The following MYH3 variants were observed in gnomAD, a reference collection of about 807,000 sequenced individuals.
MYH3 encodes the protein myosin-3.
In MYH3, 130 loss-of-function variants were observed where a neutral mutation model predicts 238.0. The ratio of observed to expected loss-of-function variants is 0.55; its 90% CI spans 0.47 to 0.63. MYH3 has a LOEUF of 0.63. Among genes scored for constraint, MYH3 ranks in the 30% least tolerant of loss-of-function variants. The pLI is 0.00. For missense variants in MYH3, 1,853 were observed against 2,374.9 expected, an observed-to-expected ratio of 0.78 and a Z score of 4.57; for synonymous variants, 880 against 924.1, an observed-to-expected ratio of 0.95 and a Z score of 0.86.
At chr17:10,653,477 C>T (rs1440895429) in intron 3 of MYH3, among the ~76,000 whole-genome samples, 6 of 152,170 alleles carry the variant, frequency 3.9e-5, no homozygotes, top group East Asian at 1.9e-4. Flanking sequence ...GTTGCCCTCC[C>T]CACCCCTTTC....
intron 19 of MYH3, 146 bp from the exon 20 acceptor site, chr17:10,640,832 G>T: frequency 2.8e-6 from 3 of 1,079,928 alleles, no homozygotes; most frequent in Non-Finnish European, 4.1e-6. Context: ...TTGCTAGAGA[G>T]CAGTCTAGAA....
Position 10,641,179 on chromosome 17 carries a change from G to A in MYH3, c.2071C>T (p.Leu691=), listed in dbSNP as rs774638977. Residue 691 remains leucine (L), a synonymous_variant, in exon 19 of 41, where the codon CTG becomes TTG. Transcript: ENST00000583535. ...TPGAMEHSLV[L]HQLRCNGVLE... is the part of the protein sequence containing the mutation. ...ACACCGTTACACCGCAGCTGGTGCA[G>A]AACAAGGCTGTGTTCCATAGCCCCT... is the stretch of plus-strand genomic sequence containing the variant. 92 of 1,613,986 alleles carry A rather than the reference G, an allele frequency of 5.7e-5. No homozygotes were observed. Among genetic ancestry groups the A allele is most frequent in the Non-Finnish European group, 7.7e-5 (91 of 1,180,026 alleles).
chr17:10,630,526 G>A (rs2074145608), intron 36 of MYH3, 68 bp from the exon 37 acceptor site: 1 of 1,605,972 alleles, frequency 6.2e-7, no homozygotes. Context: ...TCAAAACCTG[G>A]GGACCTCGGA....
intron 14 of MYH3, 54 bp from the exon 15 acceptor site, chr17:10,643,050 A>G: frequency 6.2e-7 from 1 of 1,613,912 alleles, no homozygotes; most frequent in South Asian, 1.1e-5. Flanking sequence ...TCAGAATCAA[A>G]GACTGTCAAC....
chr17:10,629,754 GCAGGTTATAT>G lies in MYH3; in HGVS notation c.5659-30_5659-21del, dbSNP rs1324726106. ...TTCATCCTAAAACCAAAGAGCCCAG[GCAGGTTATAT>G]CAGCACGCGCCTCTCTCAGAACTCA... On this transcript the variant is annotated intron_variant, in intron 39 of 40. Coordinates refer to ENST00000583535, the MANE Select transcript of MYH3 (RefSeq NM_002470.4). 1 of 1,614,080 alleles carries G rather than the reference GCAGGTTATAT, an allele frequency of 6.2e-7. No homozygotes were observed. Among genetic ancestry groups the G allele is most frequent in the Non-Finnish European group, 8.5e-7 (1 of 1,180,062 alleles).
At position 10,639,992 on chromosome 17, in the gene MYH3, G is replaced by C. The variant is rs760252401; in HGVS notation, c.2682+4C>G. On this transcript the variant is annotated splice_donor_region_variant and intron_variant, in intron 22 of 40. Transcript: ENST00000583535. ...AAAAAAAAAAAAGATTGCTAAACAC[G>C]TACAGCTTGTACTTGGAGCTGCAGG... 2 of 1,612,390 alleles carry C rather than the reference G, an allele frequency of 1.2e-6. No individual in the cohort carries two copies. Among genetic ancestry groups the C allele is most frequent in the African/African-American group, 2.7e-5 (2 of 74,612 alleles).
At position 10,633,707 on chromosome 17, in the gene MYH3, C is replaced by T. The variant is rs753865328; in HGVS notation, c.4531G>A (p.Ala1511Thr). 1 of 1,614,032 alleles carries T rather than the reference C, an allele frequency of 6.2e-7. No individual in the cohort carries two copies. Among genetic ancestry groups the T allele is most frequent in the Admixed American group, 1.7e-5 (1 of 60,026 alleles). The change falls in exon 33 of 41, where the codon GCA (alanine) becomes ACA (threonine). Residue 1511 changes from alanine (A) to threonine (T), a missense_variant. Transcript: ENST00000583535. ...RENKNLEQEI[A>T]DLTEQIAENG... ...TCAGCAATTTGTTCTGTGAGATCTGCTATCTCCTCTGTAAAGAAGTAAGTT... is the reference window on the plus strand; with the variant it reads ...TCAGCAATTTGTTCTGTGAGATCTGTTATCTCCTCTGTAAAGAAGTAAGTT...
intron 23 of MYH3, 25 bp from the exon 24 acceptor site, chr17:10,639,499 T>TA: frequency 1.9e-6 from 3 of 1,614,138 alleles, no homozygotes; most frequent in African/African-American, 1.3e-5. Flanking sequence ...CAAGCAATTA[T>TA]AAGCTTAAAG....
chr17:10,631,536 C>G, intron 36 of MYH3, 75 bp downstream of exon 36: 1 of 1,609,882 alleles, frequency 6.2e-7, no homozygotes, highest in Non-Finnish European at 8.5e-7. Flanking sequence ...GGAGACCGCA[C>G]CTGTCTAACT....
At chr17:10,655,263 G>C (rs983797117) in intron 2 of MYH3, among the ~76,000 whole-genome samples, 191 bp from the exon 3 acceptor site, 1 of 152,082 alleles carries the variant, frequency 6.6e-6, no homozygotes, top group Non-Finnish European at 1.5e-5. Context: ...GAAATCACAC[G>C]GGTGCATATT....
chr17:10,630,534 G>T (rs374495463), intron 36 of MYH3, 76 bp from the exon 37 acceptor site: 1 of 1,595,126 alleles, frequency 6.3e-7, no homozygotes, highest in Non-Finnish European at 8.6e-7. Context: ...TGGGGACCTC[G>T]GAGGACCAGA....
chr17:10,658,503 G>A (rs879658454), upstream of MYH3: 11 of 152,322 alleles, frequency 7.2e-5, no homozygotes, highest in African/African-American at 1.4e-4. Context: ...ACAGTGCTTC[G>A]AGAAGACGCA....
At chr17:10,660,371 T>C (rs1174541968), upstream of MYH3, among the ~76,000 whole-genome samples, 5 of 152,160 alleles carry the variant, frequency 3.3e-5, no homozygotes, top group East Asian at 9.6e-4. Context: ...AAGAGACATA[T>C]GTAATATTAA....
intron 1 of MYH3, 66 bp downstream of exon 1, chr17:10,657,223 T>G (rs2074441606): frequency 6.6e-6 from 1 of 152,306 alleles, no homozygotes; most frequent in South Asian, 2.1e-4. Flanking sequence ...GCACGGGGTG[T>G]GGATGTGCTC....
At chr17:10,636,466 C>T (rs893233734) in intron 28 of MYH3, among the ~76,000 whole-genome samples, 6 of 152,088 alleles carry the variant, frequency 3.9e-5, no homozygotes, top group Middle Eastern at 3.4e-3. Context: ...GATTTGTTAT[C>T]GACAAATACA....
chr17:10,669,869 C>T, the MYH3 span, among the ~76,000 whole-genome samples: 2 of 152,136 alleles, frequency 1.3e-5, no homozygotes, highest in African/African-American at 4.8e-5. Context: ...CACGACTGCA[C>T]CACTGCACTC....
At position 10,639,546 on chromosome 17, in the gene MYH3, T is replaced by C. The variant is rs1469343753; in HGVS notation, c.2925+14A>G. On this transcript the variant is annotated intron_variant, in intron 23 of 40. Coordinates refer to ENST00000583535, the MANE Select transcript of MYH3 (RefSeq NM_002470.4). Reference sequence around the variant, plus strand: ...ATGACTATATCAAGCTAGACACACCTACAATAAGAATACCTTGTTCTCTGT... The same window carrying C: ...ATGACTATATCAAGCTAGACACACCCACAATAAGAATACCTTGTTCTCTGT... The C allele has an allele frequency of 1.2e-6, 2 of 1,614,012 alleles. No individual in the cohort carries two copies. The highest frequency in any genetic ancestry group is 2.7e-5 in the African/African-American group (2 of 74,938).
intron 36 of MYH3, among the ~76,000 whole-genome samples, chr17:10,631,259 CG>C (rs1470370989): frequency 6.6e-6 from 1 of 152,158 alleles, no homozygotes; most frequent in Non-Finnish European, 1.5e-5. Flanking sequence ...GCCATTAGCG[CG>C]GTGGGCCGCC....
rs371582717 is a variant in MYH3 at position 10,628,648 on chromosome 17, C to G, written c.*5G>C. On this transcript the variant is annotated 3_prime_UTR_variant, in exon 41 of 41. Coordinates refer to ENST00000583535, the MANE Select transcript of MYH3 (RefSeq NM_002470.4). ...TATCTTCTGTCCTGCTCCAGAAGGG[C>G]TGGCTCACTCTTCACTCTCGTGGAC... is the stretch of plus-strand genomic sequence containing the variant. 1.5e-4 allele frequency: 236 copies of G among 1,614,068 alleles called. No homozygotes were observed. The highest frequency in any genetic ancestry group is 1.7e-4 in the Non-Finnish European group (199 of 1,180,014).
Sources: gnomAD v4.1 joint callset for allele counts (sites outside exome capture counted in the v4.1 genomes callset) on GRCh38, gnomAD v4.1.1 for gene constraint, MANE v1.5 for transcripts, NCBI Gene and HGNC (gene_info 2026-07-23, HGNC 2026-07-21) for gene names.